Variants in WDR49 observed in about 807,000 individuals in gnomAD.
WDR49 encodes cilia- and flagella-associated protein 337.
WDR49 carries 107 observed loss-of-function variants against 119.5 expected under a neutral mutation model. The observed-to-expected ratio is 0.90, with a 90% CI of 0.77 to 1.05. The LOEUF (loss-of-function observed/expected upper bound fraction) is 1.05. Ranked by LOEUF, WDR49 falls within the 50% of genes least tolerant of loss-of-function variation. The probability of loss-of-function intolerance (pLI) is 0.00; values close to 1 mark genes in which losing one functional copy is unlikely to be tolerated. For synonymous variants in WDR49, 425 were observed against 418.8 expected, an observed-to-expected ratio of 1.01 and a Z score of -0.18; for missense variants, 1,240 against 1,220.5, an observed-to-expected ratio of 1.02 and a Z score of -0.24.
intron 5 of WDR49, among the ~76,000 whole-genome samples, chr3:167,607,502 A>G (rs550561093): frequency 6.6e-6 from 1 of 152,260 alleles, no homozygotes; most frequent in South Asian, 2.1e-4. Flanking sequence ...ACCCTATAAT[A>G]ATCTTTAGTG....
At chr3:167,506,778 G>T (rs1751785677) in intron 16 of WDR49, among the ~76,000 whole-genome samples, 1 of 151,876 alleles carries the variant, frequency 6.6e-6, no homozygotes, top group Non-Finnish European at 1.5e-5. Flanking sequence ...ATTATATTTT[G>T]TTGTCTAACT....
intron 3 of WDR49, among the ~76,000 whole-genome samples, chr3:167,626,062 A>C (rs545818471): frequency 6.6e-6 from 1 of 152,196 alleles, no homozygotes; most frequent in Non-Finnish European, 1.5e-5. Context: ...TATGTACATG[A>C]CTGGATATTT....
intron 2 of WDR49, among the ~76,000 whole-genome samples, chr3:167,643,085 T>C (rs563157252): frequency 2.0e-5 from 3 of 152,158 alleles, no homozygotes; most frequent in Non-Finnish European, 4.4e-5. Flanking sequence ...GTAGAGTCAT[T>C]GTTTCCAGCA....
At chr3:167,604,143 T>G (rs1427041503) in intron 6 of WDR49, among the ~76,000 whole-genome samples, 158 bp downstream of exon 6, 1 of 152,182 alleles carries the variant, frequency 6.6e-6, no homozygotes, top group East Asian at 1.9e-4. Context: ...CACATCATAA[T>G]GCATCATTAT....
At position 167,554,763 on chromosome 3, in the gene WDR49, T is replaced by C. The variant is rs759680901; in HGVS notation, c.1710A>G (p.Leu570=). 3 of 1,612,678 alleles carry C rather than the reference T, an allele frequency of 1.9e-6. No individual in the cohort carries two copies. The highest frequency in any genetic ancestry group is 2.5e-6 in the Non-Finnish European group (3 of 1,179,564). ...WDFNGYCHHT[L]NVGQDGAVDI... is the part of the protein sequence containing the mutation. Reference sequence around the variant, plus strand: ...CCACAGCTCCATCTTGCCCAACATTTAGTGTATGGTGACAATATCCATTGA... The same window carrying C: ...CCACAGCTCCATCTTGCCCAACATTCAGTGTATGGTGACAATATCCATTGA... The change falls in exon 10 of 19, where the codon CTA becomes CTG. Residue 570 remains leucine (L), a synonymous_variant. Coordinates refer to ENST00000682715, the MANE Select transcript of WDR49 (RefSeq NM_001366157.1).
chr3:167,636,711 T>G (rs1203889436), intron 2 of WDR49, among the ~76,000 whole-genome samples: 1 of 151,932 alleles, frequency 6.6e-6, no homozygotes, highest in Admixed American at 6.6e-5. Flanking sequence ...GGTATCACAT[T>G]GTGGTTTTGA....
chr3:167,620,587 A>C lies in WDR49; in HGVS notation c.800T>G (p.Phe267Cys), dbSNP rs1272725523. ...AAACAGGGAAATCAAGGCTGCGGTG[A>C]AAGCAATTGCTTGAACCTTGACAGA... The part of the protein sequence containing the change: ...DITGKVQAIA[F>C]TAALISLFER... The change falls in exon 5 of 19, where the codon TTC (phenylalanine) becomes TGC (cysteine). Residue 267 changes from phenylalanine (F) to cysteine (C), a missense_variant. By Grantham distance (205) the Phe-to-Cys change is radical. Transcript: ENST00000682715. The C allele has an allele frequency of 2.3e-5, 36 of 1,534,166 alleles. No homozygotes were observed. The highest frequency in any genetic ancestry group is 2.9e-5 in the Non-Finnish European group (33 of 1,145,904).
intron 8 of WDR49, among the ~76,000 whole-genome samples, chr3:167,562,775 C>A (rs1284723100): frequency 6.6e-6 from 1 of 152,194 alleles, no homozygotes; most frequent in Non-Finnish European, 1.5e-5. Flanking sequence ...TAAGGGCAAG[C>A]ACATTACTTA....
At position 167,512,772 on chromosome 3, in the gene WDR49, T is replaced by C. The variant is rs1416014479; in HGVS notation, c.2775-7356A>G. Among the ~76,000 whole-genome samples the C allele has an allele frequency of 2.6e-5, 4 of 152,260 alleles. No individual in the cohort carries two copies. In the East Asian group the frequency reaches 7.7e-4, roughly 29 times the overall value. On this transcript the variant is annotated intron_variant, in intron 16 of 18. Coordinates refer to ENST00000682715, the MANE Select transcript of WDR49 (RefSeq NM_001366157.1). The stretch of plus-strand genomic sequence containing the variant: ...AGTTTAGAAAGTAACAAAGATGACC[T>C]GAAAGAGCTGAAAAACACAAGAGAA...
chr3:167,647,022 C>T (rs565951070), intron 2 of WDR49, among the ~76,000 whole-genome samples: 9 of 152,224 alleles, frequency 5.9e-5, no homozygotes, highest in South Asian at 4.1e-4. Flanking sequence ...ATCATTAATA[C>T]GTTATACTTG....
intron 18 of WDR49, among the ~76,000 whole-genome samples, chr3:167,481,515 A>G (rs1750718073): frequency 1.3e-5 from 2 of 152,208 alleles, no homozygotes; most frequent in African/African-American, 4.8e-5. Context: ...AATGAATTAG[A>G]AAAATAATAA....
At chr3:167,657,456 T>C (rs1306711197), upstream of WDR49, among the ~76,000 whole-genome samples, 1 of 152,178 alleles carries the variant, frequency 6.6e-6, no homozygotes, top group Non-Finnish European at 1.5e-5. Flanking sequence ...TACATCTCTA[T>C]GCCCACCATT....
chr3:167,605,197 C>T (rs1715997938), intron 5 of WDR49, among the ~76,000 whole-genome samples: 1 of 152,002 alleles, frequency 6.6e-6, no homozygotes, highest in African/African-American at 2.4e-5. Flanking sequence ...AGGAAAATAG[C>T]TCAATGCATT....
chr3:167,637,156 A>C (rs545514364), intron 2 of WDR49, among the ~76,000 whole-genome samples: 1 of 151,812 alleles, frequency 6.6e-6, no homozygotes, highest in East Asian at 1.9e-4. Context: ...ATCCATCTTC[A>C]GTTGATTTTT....
chr3:167,620,377 A>G (rs1716809265), intron 5 of WDR49, 52 bp downstream of exon 5: 1 of 1,453,622 alleles, frequency 6.9e-7, no homozygotes, highest in Non-Finnish European at 9.1e-7. Flanking sequence ...AAGAATATAA[A>G]TGTACAAGTC....
At position 167,495,883 on chromosome 3, in the gene WDR49, G is replaced by GAAAAAAAAAAAAAAAAAAAAAAA; in HGVS notation, c.3031+4247_3031+4269dup. Reference sequence around the variant, plus strand: ...GGAAATAAGTTAACTTTAAAAATTTGAAAAAAAAAAAAAAAAAAAAAAAGC... The same window carrying GAAAAAAAAAAAAAAAAAAAAAAA: ...GGAAATAAGTTAACTTTAAAAATTTGAAAAAAAAAAAAAAAAAAAAAAAAAAAAAAAAAAAAAAAAAAAAAAGC... On this transcript the variant is annotated intron_variant, in intron 18 of 18. Transcript: ENST00000682715. Among the ~76,000 whole-genome samples the GAAAAAAAAAAAAAAAAAAAAAAA allele has an allele frequency of 8.4e-5, 6 of 71,222 alleles. 1 individual carries two copies. Among genetic ancestry groups the GAAAAAAAAAAAAAAAAAAAAAAA allele is most frequent in the Non-Finnish European group, 1.4e-4 (5 of 36,692 alleles). The allele number at this position is 71,222 out of a possible 152,430, so 46.7% of individuals were successfully genotyped here. A position where few individuals can be genotyped will look rare whatever the true frequency, so the allele number is the denominator to read the frequency against.
intron 3 of WDR49, among the ~76,000 whole-genome samples, chr3:167,624,174 A>C (rs904860084): frequency 6.6e-6 from 1 of 151,946 alleles, no homozygotes; most frequent in Non-Finnish European, 1.5e-5. Context: ...TTAAAGCCAC[A>C]ATAAGATATA....
chr3:167,504,425 T>G (rs902267178), intron 17 of WDR49, among the ~76,000 whole-genome samples: 3 of 152,250 alleles, frequency 2.0e-5, no homozygotes, highest in African/African-American at 4.8e-5. Flanking sequence ...TTGCTGAATT[T>G]CAGACTTGCC....
chr3:167,575,080 G>T, intron 8 of WDR49: 4 of 985,408 alleles, frequency 4.1e-6, no homozygotes, highest in Non-Finnish European at 4.8e-6. Context: ...GAAGGGAAAA[G>T]AAAGAATGGA....
Sources: gnomAD v4.1 joint callset for allele counts (sites outside exome capture counted in the v4.1 genomes callset) on GRCh38, gnomAD v4.1.1 for gene constraint, MANE v1.5 for transcripts, NCBI Gene and HGNC (gene_info 2026-07-23, HGNC 2026-07-21) for gene names.